PNPLA1: variants seen among roughly 807,000 people sequenced by gnomAD.
PNPLA1 encodes the protein patatin like domain 1, omega-hydroxyceramide transacylase, also known as omega-hydroxyceramide transacylase.
A neutral mutation model predicts 51.7 loss-of-function variants in PNPLA1; 36 were observed. The ratio of observed to expected loss-of-function variants is 0.70; its 90% CI spans 0.53 to 0.92. The LOEUF (loss-of-function observed/expected upper bound fraction) is 0.92, where lower values mean the gene tolerates loss of function less well. Ranked by LOEUF, PNPLA1 falls within the 40% of genes least tolerant of loss-of-function variation. PNPLA1 has a pLI of 0.00. For missense variants in PNPLA1, 658 were observed against 682.5 expected (o/e 0.96, Z 0.40); for synonymous variants, 293 against 280.1 (o/e 1.05, Z -0.46).
intron 1 of PNPLA1, among the ~76,000 whole-genome samples, chr6:36,252,213 G>A (rs1269225659): frequency 6.6e-6 from 1 of 152,162 alleles, no homozygotes; most frequent in Non-Finnish European, 1.5e-5. Flanking sequence ...CTCAGGCATG[G>A]ACACATGACC....
rs556609255 is a variant in PNPLA1 at position 36,252,671 on chromosome 6, G to A, written c.-81+9410G>A. On this transcript the variant is annotated intron_variant, in intron 1 of 7. Transcript: ENST00000312917. ...AAAGTGTGCTGTCGGAGTTGTGAAAGGAGGGCTGAGGACTCAGGGGAAGCC... is the reference window on the plus strand; with the variant it reads ...AAAGTGTGCTGTCGGAGTTGTGAAAAGAGGGCTGAGGACTCAGGGGAAGCC... Among the ~76,000 whole-genome samples, 47 of 152,288 alleles carry A rather than the reference G, an allele frequency of 3.1e-4. No homozygotes were observed. The East Asian group carries it at 8.3e-3, about 27-fold the overall frequency.
intron 1 of PNPLA1, among the ~76,000 whole-genome samples, chr6:36,287,479 G>T (rs764731815): frequency 1.3e-5 from 2 of 152,202 alleles, no homozygotes; most frequent in African/African-American, 2.4e-5. Context: ...GCTGTGGTTA[G>T]TGTGGGACTC....
intron 6 of PNPLA1, among the ~76,000 whole-genome samples, chr6:36,303,285 A>AG (rs1439660123): frequency 6.6e-6 from 1 of 152,092 alleles, no homozygotes; most frequent in Non-Finnish European, 1.5e-5. Flanking sequence ...TAGTAAAGAC[A>AG]GGTTTCACTG....
intron 5 of PNPLA1, 131 bp downstream of exon 5, chr6:36,295,555 G>A: frequency 1.0e-6 from 1 of 975,788 alleles, no homozygotes; most frequent in Non-Finnish European, 1.6e-6. Flanking sequence ...TGGGAGAGCT[G>A]GAAATGGGGG....
rs575609435 is a variant in PNPLA1, at chr6:36,312,816, C to T, written c.*930C>T. Among the ~76,000 whole-genome samples the T allele has an allele frequency of 8.5e-5, 13 of 152,292 alleles. No homozygotes were observed. Among genetic ancestry groups the T allele is most frequent in the Non-Finnish European group, 1.5e-4 (10 of 68,024 alleles). ...CAGACTGATGGATGCCAGCACTGAT[C>T]GGCACTCATGGACCTTCCTCTCAAC... On this transcript the variant is annotated 3_prime_UTR_variant, in exon 9 of 9. Coordinates refer to ENST00000636260, the MANE Select transcript of PNPLA1 (RefSeq NM_001374623.1).
chr6:36,243,794 GA>G (rs1158109004), intron 1 of PNPLA1, among the ~76,000 whole-genome samples: 1 of 152,182 alleles, frequency 6.6e-6, no homozygotes, highest in African/African-American at 2.4e-5. Context: ...GGTGCCTGGG[GA>G]ATTGCATGGG....
chr6:36,282,717 G>T (rs1770356885), intron 1 of PNPLA1, among the ~76,000 whole-genome samples: 1 of 152,074 alleles, frequency 6.6e-6, no homozygotes, highest in Non-Finnish European at 1.5e-5. Flanking sequence ...ACAGAGTCTT[G>T]CTCTGTCACC....
At position 36,294,225 on chromosome 6, in the gene PNPLA1, C is replaced by A; in HGVS notation, c.540C>A (p.Pro180=). Residue 180 remains proline (P), a synonymous_variant, in exon 4 of 9, where the codon CCC becomes CCA. Transcript: ENST00000636260. This position sits in a 1 kb window ranked among gnomAD's most constrained non-coding sequence, Gnocchi z 4.2. The stretch of plus-strand genomic sequence containing the variant: ...ATGGGGGCTTCACGGGCATGCAGCC[C>A]TGTGCCTTCTGGACCGACGCCATCA... ...YIDGGFTGMQ[P]CAFWTDAITI... is the part of the protein sequence containing the mutation. 2.5e-6 allele frequency: 4 copies of A among 1,614,234 alleles called. No individual in the cohort carries two copies. Among genetic ancestry groups the A allele is most frequent in the African/African-American group, 2.7e-5 (2 of 75,072 alleles).
intron 1 of PNPLA1, among the ~76,000 whole-genome samples, chr6:36,278,227 T>G (rs1484805498): frequency 1.3e-5 from 2 of 152,248 alleles, no homozygotes; most frequent in Non-Finnish European, 2.9e-5. Context: ...GGTTGAGCAA[T>G]CTGAGATCTT....
intron 6 of PNPLA1, 139 bp downstream of exon 6, chr6:36,302,608 T>A: frequency 8.4e-7 from 1 of 1,183,464 alleles, no homozygotes; most frequent in Non-Finnish European, 1.2e-6. Context: ...CTCTGTCCAT[T>A]ATGAGGACAG....
rs73732809 is a variant in PNPLA1, at chr6:36,272,541, A to G, written c.205+1877A>G. The stretch of plus-strand genomic sequence containing the variant: ...GAGCTAATATGAATACCTGCTTAGA[A>G]CAATACCTGACATATGGCAAGTGTT... On this transcript the variant is annotated intron_variant, in intron 1 of 8. Coordinates refer to ENST00000636260, the MANE Select transcript of PNPLA1 (RefSeq NM_001374623.1). 3.5e-3 allele frequency among the ~76,000 whole-genome samples: 527 copies of G among 152,318 alleles called. 2 individuals carry two copies. The highest frequency in any genetic ancestry group is 0.012 in the African/African-American group (509 of 41,568).
chr6:36,305,228 G>A (rs1219983916), intron 6 of PNPLA1, among the ~76,000 whole-genome samples: 1 of 152,128 alleles, frequency 6.6e-6, no homozygotes, highest in Non-Finnish European at 1.5e-5. Flanking sequence ...ATTACTGTTA[G>A]TGTATTTTAT....
chr6:36,279,812 A>G (rs1242324491), intron 1 of PNPLA1, among the ~76,000 whole-genome samples: 1 of 152,262 alleles, frequency 6.6e-6, no homozygotes, highest in Non-Finnish European at 1.5e-5. Flanking sequence ...TGTTGAATGA[A>G]TGGATGAATA....
At chr6:36,250,733 C>T (rs1168184193) in intron 1 of PNPLA1, among the ~76,000 whole-genome samples, 1 of 152,124 alleles carries the variant, frequency 6.6e-6, no homozygotes, top group Non-Finnish European at 1.5e-5. Context: ...TGTGGTGGCT[C>T]ACACTCTGTT....
intron 1 of PNPLA1, among the ~76,000 whole-genome samples, chr6:36,287,829 A>G (rs949960585): frequency 2.0e-5 from 3 of 151,948 alleles, no homozygotes; most frequent in Non-Finnish European, 4.4e-5. Flanking sequence ...CAGAGATAAC[A>G]GTATCCTTTG....
At chr6:36,287,682 A>G (rs1441261143) in intron 1 of PNPLA1, among the ~76,000 whole-genome samples, 1 of 152,116 alleles carries the variant, frequency 6.6e-6, no homozygotes, top group African/African-American at 2.4e-5. Context: ...AGAGAGAGAA[A>G]GGAGAGAGAT....
intron 1 of PNPLA1, among the ~76,000 whole-genome samples, chr6:36,282,078 A>AAAGT (rs1770308956): frequency 7.4e-6 from 1 of 135,088 alleles, no homozygotes; most frequent in African/African-American, 2.9e-5. Context: ...AGAAAGAAAG[A>AAAGT]AAGAAAGAAA....
rs57186870 is a variant in PNPLA1, at chr6:36,273,728, CAAAAAA to C, written c.205+3083_205+3088del. ...TGGATAGTACAGGAAGACCCCATCGCAAAAAAAAAAAAAAAAAAAAAAAAGATGAAG... is the reference window on the plus strand; with the variant it reads ...TGGATAGTACAGGAAGACCCCATCGCAAAAAAAAAAAAAAAAAAGATGAAG... On this transcript the variant is annotated intron_variant, in intron 1 of 8. Transcript: ENST00000636260. Among the ~76,000 whole-genome samples, 150 of 48,230 alleles carry C rather than the reference CAAAAAA, an allele frequency of 3.1e-3. 1 individual carries two copies. The highest frequency in any genetic ancestry group is 0.013 in the African/African-American group (139 of 10,530). 31.6% of individuals were successfully genotyped at this position (48,230 alleles called of 152,430 possible).
intron 1 of PNPLA1, among the ~76,000 whole-genome samples, chr6:36,255,878 ACTGAGGGGT>A (rs2127314859): frequency 6.6e-6 from 1 of 152,314 alleles, no homozygotes; most frequent in South Asian, 2.1e-4. Flanking sequence ...CATCTGAAAC[ACTGAGGGGT>A]CTTGCTGAAA....
Sources: gnomAD v4.1 joint callset for allele counts (sites outside exome capture counted in the v4.1 genomes callset) on GRCh38, gnomAD v4.1.1 for gene constraint, Gnocchi (gnomAD v3.1) non-coding constraint, MANE v1.5 for transcripts, NCBI Gene and HGNC (gene_info 2026-07-23, HGNC 2026-07-21) for gene names.